The following HECTD4 variants were observed in gnomAD, a reference collection of about 807,000 sequenced individuals.
HECTD4 encodes HECT domain E3 ubiquitin protein ligase 4.
Under a neutral mutation model 471.5 loss-of-function variants are expected in HECTD4, and 114 were observed. The ratio of observed to expected loss-of-function variants is 0.24; its 90% CI spans 0.21 to 0.28. HECTD4 has a LOEUF of 0.28. Ranked by LOEUF, HECTD4 falls within the 10% of genes least tolerant of loss-of-function variation. The pLI is 1.00. For synonymous variants in HECTD4, 2,012 were observed against 2,256.0 expected (o/e 0.89, Z 3.07); for missense variants, 3,866 against 5,651.5 (o/e 0.68, Z 10.13).
intron 1 of HECTD4, among the ~76,000 whole-genome samples, chr12:112,353,797 T>C (rs961726533): frequency 3.3e-5 from 5 of 152,254 alleles, no homozygotes; most frequent in African/African-American, 1.2e-4. Context: ...CCTGTCCTCA[T>C]AGAATCCACT....
intron 7 of HECTD4, chr12:112,302,127 A>C (rs1046798373): frequency 1.8e-6 from 2 of 1,106,170 alleles, no homozygotes; most frequent in African/African-American, 3.1e-5. Flanking sequence ...TTGATAATGC[A>C]GTAAGGGACT....
At chr12:112,183,980 C>T (rs1368892362) in intron 61 of HECTD4, among the ~76,000 whole-genome samples, 2 of 152,240 alleles carry the variant, frequency 1.3e-5, no homozygotes, top group Non-Finnish European at 1.5e-5. Flanking sequence ...AGCCCTCTGG[C>T]TCCCCTTTAC....
At position 112,235,632 on chromosome 12, in the gene HECTD4, CCA is replaced by C. The variant is rs1384012114; in HGVS notation, c.5595_5596del (p.Cys1865TrpfsTer18). ...GCTCCAGGGTGGGAGCTCCACGTTT[CCA>C]CAGTCTTCTACGCTCATCAGGGGCA... On this transcript the variant is annotated frameshift_variant, in exon 36 of 76. Coordinates refer to ENST00000682272, the MANE Select transcript of HECTD4 (RefSeq NM_001388303.1). LOFTEE classifies it high-confidence loss of function. The surrounding 1 kb of genome is among the most constrained non-coding windows in gnomAD (Gnocchi z 5.0). 6.2e-7 allele frequency: 1 copy of C among 1,613,880 alleles called. No individual in the cohort carries two copies. The highest frequency in any genetic ancestry group is 1.7e-5 in the Admixed American group (1 of 59,996).
intron 7 of HECTD4, among the ~76,000 whole-genome samples, chr12:112,303,924 T>G (rs2035219281): frequency 6.7e-6 from 1 of 149,830 alleles, no homozygotes; most frequent in Admixed American, 6.6e-5. Flanking sequence ...TGAGACAAAC[T>G]CTCATCTATC....
chr12:112,341,722 G>T (rs2036057930), intron 1 of HECTD4, among the ~76,000 whole-genome samples: 2 of 152,142 alleles, frequency 1.3e-5, no homozygotes, highest in African/African-American at 4.8e-5. Context: ...ACCTTTCCCA[G>T]CTAAGACTTA....
At chr12:112,183,018 C>T (rs767690746) in intron 62 of HECTD4, 41 bp downstream of exon 62, 42 of 1,468,214 alleles carry the variant, frequency 2.9e-5, no homozygotes, top group Non-Finnish European at 3.7e-5. Flanking sequence ...TAAAATTGCT[C>T]CACAAAAAGT....
chr12:112,189,490 G>C (rs1460984226), intron 60 of HECTD4, among the ~76,000 whole-genome samples: 1 of 137,244 alleles, frequency 7.3e-6, no homozygotes, highest in African/African-American at 2.7e-5. Context: ...AGGCGGACTT[G>C]CAGTGAGCTA....
At chr12:112,212,390 A>G in intron 49 of HECTD4, 97 bp downstream of exon 49, 1 of 963,766 alleles carries the variant, frequency 1.0e-6, no homozygotes, top group Non-Finnish European at 1.6e-6. Flanking sequence ...AATATTATGT[A>G]CAATGAGGGC....
chr12:112,296,591 G>A (rs190907181), intron 7 of HECTD4, among the ~76,000 whole-genome samples: 2 of 151,788 alleles, frequency 1.3e-5, no homozygotes, highest in African/African-American at 4.8e-5. Context: ...AGGTGCAGAT[G>A]GTGTAGGTGC....
intron 1 of HECTD4, among the ~76,000 whole-genome samples, chr12:112,349,388 C>CAAAAAAAAAAA (rs60480485): frequency 4.8e-4 from 26 of 54,624 alleles, no homozygotes; most frequent in Middle Eastern, 0.011. Flanking sequence ...ACTCTTGCTC[C>CAAAAAAAAAAA]AAAAAAAAAA....
At chr12:112,346,370 C>A (rs559275708) in intron 1 of HECTD4, among the ~76,000 whole-genome samples, 1 of 152,312 alleles carries the variant, frequency 6.6e-6, no homozygotes, top group African/African-American at 2.4e-5. Context: ...TTCTCTCTCT[C>A]CTTTTGTTTC....
chr12:112,172,516 C>T (rs748792569), intron 67 of HECTD4, among the ~76,000 whole-genome samples, 155 bp downstream of exon 67: 10 of 152,270 alleles, frequency 6.6e-5, no homozygotes, highest in Admixed American at 3.9e-4. Flanking sequence ...CCTGTTTCGT[C>T]AGCCCACTCT....
intron 1 of HECTD4, among the ~76,000 whole-genome samples, chr12:112,359,937 G>A (rs765759740): frequency 6.6e-6 from 1 of 152,132 alleles, no homozygotes; most frequent in Non-Finnish European, 1.5e-5. Context: ...AAGAAGAGCT[G>A]CTACAAAGCC....
chr12:112,258,420 T>G, intron 20 of HECTD4, 76 bp downstream of exon 20: 1 of 1,040,294 alleles, frequency 9.6e-7, no homozygotes, highest in East Asian at 2.8e-5. Flanking sequence ...TAAAAATCAT[T>G]TTCATAAAAG....
chr12:112,221,785 C>T (rs1415937130), intron 44 of HECTD4, among the ~76,000 whole-genome samples: 2 of 150,354 alleles, frequency 1.3e-5, no homozygotes, highest in Non-Finnish European at 3.0e-5. Flanking sequence ...GATGGAGTCT[C>T]GCTCTGTCAA....
chr12:112,164,370 G>A, intron 72 of HECTD4, 95 bp from the exon 73 acceptor site: 1 of 1,355,494 alleles, frequency 7.4e-7, no homozygotes, highest in Non-Finnish European at 1.0e-6. Flanking sequence ...CGCAGCTGGT[G>A]GGGTCTACCC....
At position 112,184,962 on chromosome 12, in the gene HECTD4, T is replaced by C. The variant is rs1476095281; in HGVS notation, c.10004A>G (p.Asp3335Gly). The C allele has an allele frequency of 1.2e-6, 2 of 1,613,446 alleles. No individual in the cohort carries two copies. The highest frequency in any genetic ancestry group is 3.3e-5 in the Admixed American group (2 of 59,940). Reference sequence around the variant, plus strand: ...GATGCTGAGCACGGTGGGGTCCGAGTCCACGGTGCGGGAAGACTGGCGCTT... The same window carrying C: ...GATGCTGAGCACGGTGGGGTCCGAGCCCACGGTGCGGGAAGACTGGCGCTT... ...SGKRQSSRTV[D>G]SDPTVLSIGG... is the part of the protein sequence containing the mutation. Residue 3335 changes from aspartate (D) to glycine (G), a missense_variant, in exon 61 of 76, where the codon GAC (aspartate) becomes GGC (glycine). By Grantham distance (94) the Asp-to-Gly change is moderately conservative (BLOSUM62 -1). Transcript: ENST00000682272. This position sits in a 1 kb window ranked among gnomAD's most constrained non-coding sequence, Gnocchi z 9.1.
rs566033829 is a variant in HECTD4 at position 112,324,055 on chromosome 12, T to C, written c.178-4313A>G. Among the ~76,000 whole-genome samples the C allele has an allele frequency of 6.8e-4, 49 of 71,594 alleles. 1 individual carries two copies. Among genetic ancestry groups the C allele is most frequent in the African/African-American group, 5.0e-3 (48 of 9,614 alleles). The allele number at this position is 71,594 out of a possible 152,430, so 47.0% of individuals were successfully genotyped here. A position where few individuals can be genotyped will look rare whatever the true frequency, so the allele number is the denominator to read the frequency against. Reference sequence around the variant, plus strand: ...CTTCCTTCCTTCCTTCCTTTCTTTCTTTCTTTCTTTCTTTCTTTCTTTCTT... The same window carrying C: ...CTTCCTTCCTTCCTTCCTTTCTTTCCTTCTTTCTTTCTTTCTTTCTTTCTT... On this transcript the variant is annotated intron_variant, in intron 1 of 75. Transcript: ENST00000682272.
At chr12:112,195,126 G>C in intron 55 of HECTD4, 60 bp from the exon 56 acceptor site, 1 of 1,449,562 alleles carries the variant, frequency 6.9e-7, no homozygotes, top group Non-Finnish European at 9.3e-7. Flanking sequence ...CCCATACCGG[G>C]ACCAGGCCGC....
Sources: gnomAD v4.1 joint callset for allele counts (sites outside exome capture counted in the v4.1 genomes callset) on GRCh38, gnomAD v4.1.1 for gene constraint, Gnocchi (gnomAD v3.1) non-coding constraint, MANE v1.5 for transcripts, NCBI Gene and HGNC (gene_info 2026-07-23, HGNC 2026-07-21) for gene names.